Variants in LACRT observed in about 807,000 individuals in gnomAD.
The protein encoded by LACRT is lacritin, also known as extracellular glycoprotein lacritin.
In LACRT, 14 loss-of-function variants were observed where a neutral mutation model predicts 14.5. The observed-to-expected ratio is 0.96, with a 90% CI of 0.64 to 1.51. The LOEUF is 1.51. Ranked by LOEUF, LACRT falls within the 40% of genes most tolerant of loss-of-function variation. LACRT has a pLI of 0.00. For missense variants in LACRT, 156 were observed against 161.8 expected, an observed-to-expected ratio of 0.96 and a Z score of 0.19; for synonymous variants, 70 against 63.5, an observed-to-expected ratio of 1.10 and a Z score of -0.48.
At chr12:54,631,507 C>T (rs1382443477) in intron 4 of LACRT, among the ~76,000 whole-genome samples, 1 of 152,220 alleles carries the variant, frequency 6.6e-6, no homozygotes, top group Non-Finnish European at 1.5e-5. Flanking sequence ...TCCCAAAGTG[C>T]TGGGATTACA....
intron 1 of LACRT, among the ~76,000 whole-genome samples, chr12:54,634,351 C>CAAA (rs10561513): frequency 4.2e-5 from 4 of 94,988 alleles, no homozygotes; most frequent in East Asian, 5.0e-4. Flanking sequence ...GACTCGGTCT[C>CAAA]AAAAAAAAAA....
At chr12:54,631,648 TG>T (rs1565724398) in intron 4 of LACRT, 89 bp downstream of exon 4, 3 of 915,588 alleles carry the variant, frequency 3.3e-6, no homozygotes, top group Non-Finnish European at 1.8e-6. Flanking sequence ...GAGGTGGAAA[TG>T]GGGGCAAGTT....
chr12:54,634,826 G>T lies in LACRT; in HGVS notation c.16C>A (p.Leu6Ile). MKFTT[L>I]LFLAAVAGAL... ...CCTGCTACAGCTGCCAAGAAGAGGAGAGTGGTAAATTTCATTCTTTGGGAT... is the reference window on the plus strand; with the variant it reads ...CCTGCTACAGCTGCCAAGAAGAGGATAGTGGTAAATTTCATTCTTTGGGAT... The change falls in exon 1 of 5, where the codon CTC (leucine) becomes ATC (isoleucine). Residue 6 changes from leucine (L) to isoleucine (I), a missense_variant. Leu to Ile is a conservative substitution (Grantham distance 5). Transcript: ENST00000257867. 6.2e-7 allele frequency: 1 copy of T among 1,613,774 alleles called. No homozygotes were observed. Among genetic ancestry groups the T allele is most frequent in the Non-Finnish European group, 8.5e-7 (1 of 1,179,702 alleles).
At chr12:54,632,890 A>G (rs537559737) in intron 2 of LACRT, among the ~76,000 whole-genome samples, 2 of 152,166 alleles carry the variant, frequency 1.3e-5, no homozygotes, top group South Asian at 4.2e-4. Flanking sequence ...ATGCCATGTG[A>G]GACATTGCCC....
rs757993939 is a variant in LACRT at position 54,631,744 on chromosome 12, T to C, written c.349A>G (p.Ile117Val). 1 of 1,612,344 alleles carries C rather than the reference T, an allele frequency of 6.2e-7. No individual in the cohort carries two copies. Among genetic ancestry groups the C allele is most frequent in the South Asian group, 1.1e-5 (1 of 91,054 alleles). Residue 117 changes from isoleucine to valine, a missense_variant, in exon 4 of 5, where the codon ATC (isoleucine) becomes GTC (valine). Coordinates refer to ENST00000257867, the MANE Select transcript of LACRT (RefSeq NM_033277.2). The stretch of plus-strand genomic sequence containing the variant: ...TGCCTTGGGATGCACTCACTTTCGA[T>C]GAATTGTTTTCCACCTGGCACGCCT... ...HGGVPGGKQF[I>V]ENGSEFAQKL...
chr12:54,632,418 A>T, intron 2 of LACRT, 37 bp from the exon 3 acceptor site: 1 of 1,609,570 alleles, frequency 6.2e-7, no homozygotes. Context: ...TAGCAAAGTG[A>T]AAGTGTTTGT....
At chr12:54,631,595 G>A in intron 4 of LACRT, 143 bp downstream of exon 4, 2 of 673,358 alleles carry the variant, frequency 3.0e-6, no homozygotes, top group Non-Finnish European at 5.3e-6. Context: ...AAAGTGAGGG[G>A]TCTTCAACAG....
Position 54,631,762 on chromosome 12 carries a change from G to C in LACRT, c.331C>G (p.Pro111Ala), listed in dbSNP as rs1419683187. 2.5e-6 allele frequency: 4 copies of C among 1,613,696 alleles called. No homozygotes were observed. Among genetic ancestry groups the C allele is most frequent in the East Asian group, 2.2e-5 (1 of 44,874 alleles). ...KAGKGMHGGV[P>A]GGKQFIENGS... Reference sequence around the variant, plus strand: ...CTTTCGATGAATTGTTTTCCACCTGGCACGCCTCCGTGCATTCCTTTTCCT... The same window carrying C: ...CTTTCGATGAATTGTTTTCCACCTGCCACGCCTCCGTGCATTCCTTTTCCT... The change falls in exon 4 of 5, where the codon CCA becomes GCA. Residue 111 changes from proline (P) to alanine (A), a missense_variant. Coordinates refer to ENST00000257867, the MANE Select transcript of LACRT (RefSeq NM_033277.2).
intron 1 of LACRT, 143 bp from the exon 2 acceptor site, chr12:54,633,376 C>G (rs1592196821): frequency 1.4e-6 from 1 of 710,480 alleles, no homozygotes. Context: ...TTGGACATGC[C>G]CTTCCACCAT....
At position 54,634,787 on chromosome 12, in the gene LACRT, C is replaced by T; in HGVS notation, c.55G>A (p.Ala19Thr). 1 of 1,613,750 alleles carries T rather than the reference C, an allele frequency of 6.2e-7. No homozygotes were observed. ...LAAVAGALVY[A>T]EDASSDSTGA... ...GCAGAGGAAAGGCCATACTCACCAG[C>T]ATAGACCAGGGCCCCTGCTACAGCT... Residue 19 changes from alanine to threonine, a missense_variant, in exon 1 of 5, where the codon GCT becomes ACT. Ala to Thr is a moderately conservative substitution (Grantham distance 58). Coordinates refer to ENST00000257867, the MANE Select transcript of LACRT (RefSeq NM_033277.2).
chr12:54,633,234 C>T lies in LACRT; in HGVS notation c.59-1G>A. On this transcript the variant is annotated splice_acceptor_variant, in intron 1 of 4. Coordinates refer to ENST00000257867, the MANE Select transcript of LACRT (RefSeq NM_033277.2). LOFTEE classifies it high-confidence loss of function. ...CCCGTCGAGTCAGAGGAGGCATCTT[C>T]TGCAATGGGGGAAACATGCCAGATG... The T allele has an allele frequency of 6.2e-7, 1 of 1,613,766 alleles. No individual in the cohort carries two copies. The highest frequency in any genetic ancestry group is 1.1e-5 in the South Asian group (1 of 91,048).
intron 4 of LACRT, 44 bp from the exon 5 acceptor site, chr12:54,630,997 C>G (rs1429345443): frequency 8.7e-7 from 1 of 1,153,482 alleles, no homozygotes; most frequent in Admixed American, 1.7e-5. Context: ...GGACCCCAGG[C>G]ACCAGCTCCA....
intron 1 of LACRT, among the ~76,000 whole-genome samples, chr12:54,633,581 A>G (rs994604440): frequency 6.6e-6 from 1 of 151,996 alleles, no homozygotes; most frequent in Non-Finnish European, 1.5e-5. Context: ...GTGGTGGAGG[A>G]GGACAGTATG....
intron 1 of LACRT, 53 bp from the exon 2 acceptor site, chr12:54,633,286 C>G (rs538833690): frequency 1.3e-6 from 2 of 1,487,206 alleles, no homozygotes; most frequent in Non-Finnish European, 1.9e-6. Flanking sequence ...CGGACCTACT[C>G]GAGCCACCCT....
chr12:54,631,949 C>A, intron 3 of LACRT, 110 bp from the exon 4 acceptor site: 1 of 596,924 alleles, frequency 1.7e-6, no homozygotes, highest in East Asian at 3.5e-5. Flanking sequence ...CCCAGGACAT[C>A]ATCCCTACAG....
At chr12:54,633,949 G>A (rs1958170454) in intron 1 of LACRT, among the ~76,000 whole-genome samples, 1 of 152,084 alleles carries the variant, frequency 6.6e-6, no homozygotes. Context: ...TTGGGGGAAG[G>A]GGCCAGGGAG....
At chr12:54,631,263 A>G (rs1958150612) in intron 4 of LACRT, among the ~76,000 whole-genome samples, 1 of 152,072 alleles carries the variant, frequency 6.6e-6, no homozygotes, top group South Asian at 2.1e-4. Flanking sequence ...TTTTTGAGAC[A>G]GGGTCTTTCT....
intron 1 of LACRT, 39 bp from the exon 2 acceptor site, chr12:54,633,272 G>T: frequency 6.3e-7 from 1 of 1,592,016 alleles, no homozygotes; most frequent in South Asian, 1.1e-5. Flanking sequence ...AGCAAGGACC[G>T]AACCGGACCT....
chr12:54,633,591 G>C (rs1454433861), intron 1 of LACRT, among the ~76,000 whole-genome samples: 1 of 152,166 alleles, frequency 6.6e-6, no homozygotes, highest in African/African-American at 2.4e-5. Flanking sequence ...AGGACAGTAT[G>C]TGGGGGTTAT....
Sources: allele counts gnomAD v4.1 joint callset (sites outside exome capture counted in the v4.1 genomes callset), GRCh38; gene constraint gnomAD v4.1.1; transcripts MANE v1.5; gene names NCBI Gene and HGNC (gene_info 2026-07-23, HGNC 2026-07-21).